CDC42BPA: variants seen among roughly 807,000 people sequenced by gnomAD.
CDC42BPA encodes serine/threonine-protein kinase MRCK alpha.
In CDC42BPA, 80 loss-of-function variants were observed where a neutral mutation model predicts 223.5. The ratio of observed to expected loss-of-function variants is 0.36; its 90% confidence interval spans 0.30 to 0.43. The LOEUF is 0.43. CDC42BPA is among the 20% of genes least tolerant of loss of function. The probability of loss-of-function intolerance (pLI) is 1.00; values close to 1 mark genes in which losing one functional copy is unlikely to be tolerated. For synonymous variants in CDC42BPA, 694 were observed against 718.6 expected, an observed-to-expected ratio of 0.97 and a Z score of 0.55; for missense variants, 1,743 against 2,099.9, an observed-to-expected ratio of 0.83 and a Z score of 3.32.
At chr1:227,306,087 G>A (rs576733209) in intron 1 of CDC42BPA, among the ~76,000 whole-genome samples, 2 of 150,076 alleles carry the variant, frequency 1.3e-5, no homozygotes, top group South Asian at 4.2e-4. Context: ...AGTAGTCACT[G>A]AAGTATATTA....
intron 6 of CDC42BPA, among the ~76,000 whole-genome samples, chr1:227,149,772 G>A (rs1369194034): frequency 6.6e-6 from 1 of 152,098 alleles, no homozygotes; most frequent in Non-Finnish European, 1.5e-5. Flanking sequence ...TTGGAAGAAA[G>A]GCTAAGACGT....
At chr1:227,114,352 C>T (rs1324589566) in intron 12 of CDC42BPA, among the ~76,000 whole-genome samples, 2 of 151,218 alleles carry the variant, frequency 1.3e-5, no homozygotes, top group East Asian at 3.9e-4. Context: ...AAATTATATA[C>T]CCCAAAAATT....
intron 2 of CDC42BPA, among the ~76,000 whole-genome samples, chr1:227,246,936 C>T (rs1681072843): frequency 6.6e-6 from 1 of 152,204 alleles, no homozygotes; most frequent in Non-Finnish European, 1.5e-5. Context: ...CACGGTGGCT[C>T]ACACCTGTAA....
chr1:227,087,408 GTAC>G (rs1175832748), intron 16 of CDC42BPA, among the ~76,000 whole-genome samples: 1 of 152,240 alleles, frequency 6.6e-6, no homozygotes, highest in Admixed American at 6.5e-5. Context: ...CATTATGCCA[GTAC>G]TACATGTTTT....
chr1:227,132,531 G>A (rs1657380652), intron 10 of CDC42BPA, among the ~76,000 whole-genome samples: 1 of 138,690 alleles, frequency 7.2e-6, no homozygotes, highest in African/African-American at 2.8e-5. Flanking sequence ...AGCCGAGATT[G>A]CAGCCTCTGC....
intron 16 of CDC42BPA, among the ~76,000 whole-genome samples, chr1:227,087,339 A>G (rs972295658): frequency 1.3e-5 from 2 of 152,198 alleles, no homozygotes; most frequent in African/African-American, 4.8e-5. Flanking sequence ...TTGCCTTGGC[A>G]CTTATGCAGA....
intron 1 of CDC42BPA, among the ~76,000 whole-genome samples, chr1:227,282,162 T>C (rs1385376982): frequency 1.5e-5 from 2 of 130,024 alleles, no homozygotes; most frequent in African/African-American, 3.0e-5. Context: ...CACTCCAGCC[T>C]GGGCAACAAA....
At chr1:227,178,520 AGTTT>A (rs1667350910) in intron 5 of CDC42BPA, 1 of 153,662 alleles carries the variant, frequency 6.5e-6, no homozygotes, top group Non-Finnish European at 1.4e-5. Flanking sequence ...TTTGAGATGC[AGTTT>A]CACTCTTGTT....
At chr1:227,205,386 A>G (rs1354048918) in intron 3 of CDC42BPA, among the ~76,000 whole-genome samples, 2 of 151,712 alleles carry the variant, frequency 1.3e-5, no homozygotes, top group East Asian at 3.8e-4. Context: ...TTAAATACAT[A>G]GAAGTGAAAA....
chr1:227,180,107 G>A (rs1667687779), intron 5 of CDC42BPA, among the ~76,000 whole-genome samples: 1 of 152,138 alleles, frequency 6.6e-6, no homozygotes, highest in South Asian at 2.1e-4. Context: ...TCAGGAGGCT[G>A]AGGCACGAGA....
At chr1:227,036,518 C>T (rs12405707) in intron 24 of CDC42BPA, among the ~76,000 whole-genome samples, 22,909 of 150,738 alleles carry the variant, frequency 0.15, 2,179 homozygotes, top group African/African-American at 0.24. Context: ...AGGCTCCGCC[C>T]CCCGGGGTTC....
chr1:227,148,772 C>CAAAAAAAAAA (rs57635319), intron 6 of CDC42BPA, among the ~76,000 whole-genome samples: 9 of 78,784 alleles, frequency 1.1e-4, no homozygotes, highest in East Asian at 4.6e-4. Flanking sequence ...GTCTCAAAAG[C>CAAAAAAAAAA]AAAAAAAAAA....
Position 227,028,859 on chromosome 1 carries a change from T to G in CDC42BPA, c.4230A>C (p.Glu1410Asp). Residue 1410 changes from glutamate (E) to aspartate (D), a missense_variant, in exon 30 of 37, where the codon GAA becomes GAC. By Grantham distance (45) the Glu-to-Asp change is conservative. Transcript: ENST00000366766. ...AATGGAGCATACTGTATGGATTTCC[T>G]TCTCCATTCAAGGGGTATCTTAGAA... ...SGFLRYPLNG[E>D]GNPYSMLHSN... 3 of 1,613,780 alleles carry G rather than the reference T, an allele frequency of 1.9e-6. No individual in the cohort carries two copies. The East Asian group carries it at 6.7e-5, about 36-fold the overall frequency.
intron 15 of CDC42BPA, among the ~76,000 whole-genome samples, chr1:227,098,653 T>G (rs116368409): frequency 2.0e-4 from 30 of 152,082 alleles, no homozygotes; most frequent in African/African-American, 7.2e-4. Flanking sequence ...CATCAATACA[T>G]TGCTATCTTT....
chr1:227,309,675 T>C (rs1036244977), intron 1 of CDC42BPA, among the ~76,000 whole-genome samples: 2 of 152,206 alleles, frequency 1.3e-5, no homozygotes, highest in Non-Finnish European at 2.9e-5. Flanking sequence ...TTGCAACATC[T>C]ACAGTAATGA....
chr1:227,018,479 G>C (rs1457858913), intron 32 of CDC42BPA, among the ~76,000 whole-genome samples: 1 of 152,170 alleles, frequency 6.6e-6, no homozygotes, highest in Non-Finnish European at 1.5e-5. Flanking sequence ...TCTTCTCCAA[G>C]ATCTACCTCT....
chr1:227,300,754 ATCTTGGACTTCACCACTATACAAT>A (rs1353762212), intron 1 of CDC42BPA, among the ~76,000 whole-genome samples: 1 of 152,184 alleles, frequency 6.6e-6, no homozygotes, highest in Non-Finnish European at 1.5e-5. Context: ...GTGTACTAAA[ATCTTGGACTTCACCACTATACAAT>A]TCATCCATGT....
intron 21 of CDC42BPA, among the ~76,000 whole-genome samples, chr1:227,060,716 ACTTTTTTTT>A (rs1675719522): frequency 7.9e-6 from 1 of 126,526 alleles, no homozygotes; most frequent in African/African-American, 3.0e-5. Flanking sequence ...GTAAATAGGT[ACTTTTTTTT>A]TTTTTTTTTT....
At chr1:227,135,680 T>G (rs1277360430) in intron 10 of CDC42BPA, among the ~76,000 whole-genome samples, 2 of 151,608 alleles carry the variant, frequency 1.3e-5, no homozygotes, top group Admixed American at 6.6e-5. Flanking sequence ...TGGTGAAACC[T>G]TGTCTCTACT....
Sources: gnomAD v4.1 joint callset for allele counts (sites outside exome capture counted in the v4.1 genomes callset) on GRCh38, gnomAD v4.1.1 for gene constraint, MANE v1.5 for transcripts, NCBI Gene and HGNC (gene_info 2026-07-23, HGNC 2026-07-21) for gene names.